LRMDA: variants seen among roughly 807,000 people sequenced by gnomAD.
LRMDA encodes the protein leucine rich melanocyte differentiation associated.
LRMDA carries 18 observed loss-of-function variants against 29.8 expected under a neutral mutation model. The observed-to-expected ratio is 0.60, with a 90% CI of 0.42 to 0.90. The LOEUF (loss-of-function observed/expected upper bound fraction) is 0.90, where lower values mean the gene tolerates loss of function less well. Ranked by LOEUF, LRMDA falls within the 40% of genes least tolerant of loss-of-function variation. LRMDA has a pLI of 0.00. For missense variants in LRMDA, 273 were observed against 273.9 expected (o/e 1.00, Z 0.02); for synonymous variants, 125 against 109.4 (o/e 1.14, Z -0.89).
chr10:76,050,740 A>C (rs1426020788), intron 4 of LRMDA, among the ~76,000 whole-genome samples: 2 of 152,246 alleles, frequency 1.3e-5, no homozygotes, highest in Non-Finnish European at 2.9e-5. Context: ...TAGCCAAAAT[A>C]ACAAATCAAT....
rs575723592 is a variant in LRMDA at position 76,032,889 on chromosome 10, G to C, written c.132-3119G>C. Among the ~76,000 whole-genome samples, 3 of 152,098 alleles carry C rather than the reference G, an allele frequency of 2.0e-5. No individual in the cohort carries two copies. In the East Asian group the frequency reaches 5.8e-4, roughly 29 times the overall value. On this transcript the variant is annotated intron_variant, in intron 2 of 6. Coordinates refer to ENST00000611255, the MANE Select transcript of LRMDA (RefSeq NM_001305581.2). ...ACTGACAGTTGGCGTCTCCACCGGGGATCTGGTTTTGGGGTGCATTTTGCT... is the reference window on the plus strand; with the variant it reads ...ACTGACAGTTGGCGTCTCCACCGGGCATCTGGTTTTGGGGTGCATTTTGCT...
chr10:75,726,351 T>C (rs927849135), intron 2 of LRMDA, among the ~76,000 whole-genome samples: 3 of 152,220 alleles, frequency 2.0e-5, no homozygotes, highest in African/African-American at 7.2e-5. Flanking sequence ...TGTTTACACA[T>C]AATGCTCTCC....
At chr10:76,131,368 C>G (rs138154284) in intron 5 of LRMDA, among the ~76,000 whole-genome samples, 42 of 152,276 alleles carry the variant, frequency 2.8e-4, no homozygotes, top group African/African-American at 9.4e-4. Flanking sequence ...CAGAATCACC[C>G]CTGAGGTGCC....
chr10:76,017,875 C>T (rs1564631377), intron 2 of LRMDA, among the ~76,000 whole-genome samples: 1 of 152,260 alleles, frequency 6.6e-6, no homozygotes, highest in South Asian at 2.1e-4. Context: ...GAAGCTTCAA[C>T]CTGCTTGATA....
chr10:75,846,693 AAAT>A (rs1452800683), intron 2 of LRMDA, among the ~76,000 whole-genome samples: 1 of 152,142 alleles, frequency 6.6e-6, no homozygotes, highest in Non-Finnish European at 1.5e-5. Context: ...GTAAATAAAT[AAAT>A]AATACCGAAA....
At chr10:75,716,972 G>A (rs2132183391) in intron 2 of LRMDA, among the ~76,000 whole-genome samples, 1 of 152,270 alleles carries the variant, frequency 6.6e-6, no homozygotes, top group South Asian at 2.1e-4. Flanking sequence ...ATGACTCAGA[G>A]TCACTTTTTC....
chr10:75,989,741 A>C (rs1457859972), intron 2 of LRMDA, among the ~76,000 whole-genome samples: 2 of 152,234 alleles, frequency 1.3e-5, no homozygotes, highest in Non-Finnish European at 2.9e-5. Context: ...GGTGAAGCCC[A>C]AAGATAGCCA....
chr10:75,897,160 T>C (rs1845597371), intron 2 of LRMDA, among the ~76,000 whole-genome samples: 1 of 152,156 alleles, frequency 6.6e-6, no homozygotes, highest in South Asian at 2.1e-4. Flanking sequence ...GCAATATCTA[T>C]CTATGTGTTT....
chr10:75,609,080 A>T (rs1840995633), intron 2 of LRMDA, among the ~76,000 whole-genome samples: 1 of 152,146 alleles, frequency 6.6e-6, no homozygotes, highest in South Asian at 2.1e-4. Flanking sequence ...CACCTAACTG[A>T]ACACTAGCTG....
At chr10:75,984,196 A>G (rs544692757) in intron 2 of LRMDA, among the ~76,000 whole-genome samples, 2 of 148,156 alleles carry the variant, frequency 1.3e-5, no homozygotes, top group Non-Finnish European at 2.9e-5. Context: ...AGAGGACACT[A>G]AGTACTGGCC....
intron 2 of LRMDA, among the ~76,000 whole-genome samples, chr10:75,937,872 A>T (rs1008392845): frequency 6.6e-6 from 1 of 152,230 alleles, no homozygotes; most frequent in African/African-American, 2.4e-5. Flanking sequence ...CAACTTAATG[A>T]CATAATACAT....
chr10:75,582,154 G>C (rs755466977), intron 2 of LRMDA, among the ~76,000 whole-genome samples: 50 of 152,158 alleles, frequency 3.3e-4, no homozygotes, highest in Admixed American at 3.9e-4. Flanking sequence ...GGGTTCTTGA[G>C]AATGGTAGCC....
intron 1 of LRMDA, 77 bp from the exon 2 acceptor site, chr10:75,438,316 TG>T (rs1472955001): frequency 9.9e-6 from 11 of 1,109,768 alleles, no homozygotes; most frequent in Non-Finnish European, 1.5e-5. Flanking sequence ...AAGCAATCAT[TG>T]GATCAGTAAT....
chr10:76,052,531 T>C (rs1261183911), intron 4 of LRMDA, among the ~76,000 whole-genome samples: 1 of 152,096 alleles, frequency 6.6e-6, no homozygotes, highest in Non-Finnish European at 1.5e-5. Context: ...TGCCTGAGTG[T>C]TGGGACTAGA....
chr10:76,133,989 C>T (rs553597204), intron 5 of LRMDA, among the ~76,000 whole-genome samples: 2 of 152,284 alleles, frequency 1.3e-5, no homozygotes, highest in East Asian at 1.9e-4. Flanking sequence ...CTGGCTTTGC[C>T]AAAGCTCTTT....
intron 2 of LRMDA, among the ~76,000 whole-genome samples, chr10:75,750,046 A>G (rs2132217628): frequency 6.6e-6 from 1 of 152,374 alleles, no homozygotes; most frequent in East Asian, 1.9e-4. Context: ...AGACACTGTA[A>G]CAATCTGATT....
At chr10:76,277,939 G>T (rs113165035) in intron 5 of LRMDA, among the ~76,000 whole-genome samples, 2 of 152,070 alleles carry the variant, frequency 1.3e-5, no homozygotes, top group African/African-American at 4.8e-5. Flanking sequence ...AATTCACTGG[G>T]TCATCATGGA....
chr10:75,567,709 G>A (rs1012087899), intron 2 of LRMDA, among the ~76,000 whole-genome samples: 8 of 152,124 alleles, frequency 5.3e-5, no homozygotes, highest in Non-Finnish European at 8.8e-5. Context: ...TACAGAAAAC[G>A]CATGTATTAT....
intron 6 of LRMDA, among the ~76,000 whole-genome samples, chr10:76,436,714 C>T (rs1272469380): frequency 6.6e-6 from 1 of 152,216 alleles, no homozygotes; most frequent in East Asian, 1.9e-4. Context: ...ATTTCTAAAT[C>T]TGTCTTGGAC....
Sources: gnomAD v4.1 joint callset for allele counts (sites outside exome capture counted in the v4.1 genomes callset) on GRCh38, gnomAD v4.1.1 for gene constraint, MANE v1.5 for transcripts, NCBI Gene and HGNC (gene_info 2026-07-23, HGNC 2026-07-21) for gene names.